Variants in DLG2 observed in about 807,000 individuals in gnomAD.
The protein encoded by DLG2 is discs large MAGUK scaffold protein 2, also known as disks large homolog 2.
A neutral mutation model predicts 132.5 loss-of-function variants in DLG2; 45 were observed. The observed-to-expected ratio is 0.34, with a 90% CI of 0.27 to 0.44. The LOEUF (loss-of-function observed/expected upper bound fraction) is 0.44. DLG2 is among the 20% of genes least tolerant of loss of function. DLG2 has a pLI of 1.00. For missense variants in DLG2, 1,045 were observed against 1,196.9 expected, an observed-to-expected ratio of 0.87 and a Z score of 1.87; for synonymous variants, 424 against 419.6, an observed-to-expected ratio of 1.01 and a Z score of -0.13.
chr11:84,378,860 C>T (rs939643374), intron 7 of DLG2, among the ~76,000 whole-genome samples: 2 of 151,378 alleles, frequency 1.3e-5, no homozygotes, highest in Non-Finnish European at 2.9e-5. Flanking sequence ...AAGAAAAAAT[C>T]GTTTGAACCC....
At chr11:85,273,651 T>C (rs565778477) in intron 4 of DLG2, among the ~76,000 whole-genome samples, 32 of 152,338 alleles carry the variant, frequency 2.1e-4, no homozygotes, top group African/African-American at 7.7e-4. Flanking sequence ...TTTTACACTG[T>C]TGGTGGGACT....
At chr11:85,302,979 A>G (rs2079695702) in intron 3 of DLG2, among the ~76,000 whole-genome samples, 1 of 152,214 alleles carries the variant, frequency 6.6e-6, no homozygotes, top group Non-Finnish European at 1.5e-5. Context: ...GACGGAGCAA[A>G]GTTAAGGAAG....
intron 11 of DLG2, among the ~76,000 whole-genome samples, chr11:84,053,870 A>C (rs892111912): frequency 3.3e-5 from 5 of 152,062 alleles, no homozygotes; most frequent in African/African-American, 9.7e-5. Context: ...ATAAACTCAC[A>C]ATCTTTACTA....
chr11:85,217,975 G>T (rs1286252023), intron 4 of DLG2, among the ~76,000 whole-genome samples: 1 of 152,020 alleles, frequency 6.6e-6, no homozygotes, highest in East Asian at 1.9e-4. Context: ...GAAAGGCGGG[G>T]GTCAAGCTTC....
At chr11:83,709,280 C>CATATATGTACATATATACATATACGT (rs1275313043) in intron 18 of DLG2, among the ~76,000 whole-genome samples, 2 of 146,098 alleles carry the variant, frequency 1.4e-5, no homozygotes, top group Non-Finnish European at 3.0e-5. Flanking sequence ...TGTATATATA[C>CATATATGTACATATATACATATACGT]ATATATGTAC....
At chr11:85,438,938 T>C (rs1035657930) in intron 3 of DLG2, among the ~76,000 whole-genome samples, 4 of 152,202 alleles carry the variant, frequency 2.6e-5, no homozygotes, top group Non-Finnish European at 4.4e-5. Context: ...ATCAATCATA[T>C]ATTATGTAAC....
At chr11:85,520,293 T>C (rs2074190746) in intron 3 of DLG2, among the ~76,000 whole-genome samples, 1 of 151,944 alleles carries the variant, frequency 6.6e-6, no homozygotes, top group Non-Finnish European at 1.5e-5. Context: ...TTCAAGTAGA[T>C]AAAAGATCTC....
chr11:83,835,121 A>G (rs1275518622), intron 16 of DLG2, among the ~76,000 whole-genome samples: 1 of 152,224 alleles, frequency 6.6e-6, no homozygotes, highest in Non-Finnish European at 1.5e-5. Flanking sequence ...CAATGCATTA[A>G]GTCAGAGGTA....
At chr11:84,320,658 T>G (rs2098399397) in intron 7 of DLG2, among the ~76,000 whole-genome samples, 1 of 152,184 alleles carries the variant, frequency 6.6e-6, no homozygotes, top group South Asian at 2.1e-4. Flanking sequence ...CTAAAATTAT[T>G]TCCAAAATAT....
intron 10 of DLG2, among the ~76,000 whole-genome samples, chr11:84,061,798 T>G (rs575311643): frequency 3.3e-4 from 49 of 146,614 alleles, no homozygotes; most frequent in Non-Finnish European, 6.1e-4. Context: ...CATTTCATCA[T>G]AACAGATGCT....
At chr11:85,006,897 C>T (rs987963753) in intron 6 of DLG2, among the ~76,000 whole-genome samples, 2 of 151,856 alleles carry the variant, frequency 1.3e-5, no homozygotes, top group African/African-American at 4.8e-5. Flanking sequence ...AAATATATTT[C>T]TATTTTCATA....
At position 85,416,063 on chromosome 11, in the gene DLG2, G is replaced by A. The variant is rs286041; in HGVS notation, c.41-130698C>T. Among the ~76,000 whole-genome samples, 3,434 of 152,180 alleles carry A rather than the reference G, an allele frequency of 0.023. 305 individuals carry two copies. In the East Asian group the frequency reaches 0.25, roughly 11 times the overall value. On this transcript the variant is annotated intron_variant, in intron 3 of 27. Transcript: ENST00000376104. ...TTATTTTTGTAAAAGGTGTAAGGAC[G>A]GGGTCCAGTTTCAGTTTTCCGCATA...
At chr11:83,628,237 T>C (rs899198847) in intron 19 of DLG2, among the ~76,000 whole-genome samples, 3 of 152,206 alleles carry the variant, frequency 2.0e-5, no homozygotes, top group Admixed American at 6.5e-5. Context: ...CATTTGTCAA[T>C]TGTGGCTTTT....
At chr11:83,836,834 T>A (rs1379979362) in intron 16 of DLG2, among the ~76,000 whole-genome samples, 1 of 152,198 alleles carries the variant, frequency 6.6e-6, no homozygotes, top group Non-Finnish European at 1.5e-5. Flanking sequence ...GACTTACATT[T>A]GTAAATGATT....
intron 11 of DLG2, among the ~76,000 whole-genome samples, chr11:84,001,779 C>A: frequency 6.6e-6 from 1 of 152,132 alleles, no homozygotes; most frequent in South Asian, 2.1e-4. Flanking sequence ...AAATCAATAA[C>A]AAGAGCAACT....
chr11:83,463,743 A>G (rs907375893), intron 26 of DLG2, among the ~76,000 whole-genome samples: 1 of 152,218 alleles, frequency 6.6e-6, no homozygotes, highest in African/African-American at 2.4e-5. Flanking sequence ...GTGAGCCATG[A>G]TGGCACCACT....
At chr11:84,161,778 C>T (rs2095552494) in intron 9 of DLG2, among the ~76,000 whole-genome samples, 1 of 152,150 alleles carries the variant, frequency 6.6e-6, no homozygotes, top group Non-Finnish European at 1.5e-5. Context: ...CCCACGTTTT[C>T]ATGTTGTACT....
At chr11:84,622,659 G>A (rs1395397699) in intron 6 of DLG2, among the ~76,000 whole-genome samples, 3 of 152,146 alleles carry the variant, frequency 2.0e-5, no homozygotes, top group Admixed American at 2.0e-4. Context: ...ATTGAAGGAT[G>A]AGAGCATTCT....
intron 6 of DLG2, among the ~76,000 whole-genome samples, chr11:85,065,342 A>C (rs1375554014): frequency 3.3e-5 from 5 of 151,262 alleles, no homozygotes; most frequent in Non-Finnish European, 7.4e-5. Flanking sequence ...TTTTTTTTAA[A>C]ACCCCTTGAT....
Sources: gnomAD v4.1 joint callset for allele counts (sites outside exome capture counted in the v4.1 genomes callset) on GRCh38, gnomAD v4.1.1 for gene constraint, MANE v1.5 for transcripts, NCBI Gene and HGNC (gene_info 2026-07-23, HGNC 2026-07-21) for gene names.